The following COX7B2 variants were observed in gnomAD, a reference collection of about 807,000 sequenced individuals.
COX7B2 encodes cytochrome c oxidase subunit 7B2, mitochondrial.
For missense variants in COX7B2, 109 were observed against 95.9 expected (o/e 1.14, Z -0.57); for synonymous variants, 37 against 32.1 (o/e 1.15, Z -0.51).
At chr4:46,760,640 T>C (rs894138731) in intron 2 of COX7B2, among the ~76,000 whole-genome samples, 2 of 152,092 alleles carry the variant, frequency 1.3e-5, no homozygotes, top group African/African-American at 2.4e-5. Flanking sequence ...CAATCCACCA[T>C]GGCATGTGTA....
At chr4:46,888,467 G>A (rs185164601) in intron 1 of COX7B2, among the ~76,000 whole-genome samples, 47 of 150,438 alleles carry the variant, frequency 3.1e-4, no homozygotes, top group African/African-American at 9.8e-4. Flanking sequence ...TTTTTGAGAC[G>A]GAGTCTTGAT....
intron 1 of COX7B2, among the ~76,000 whole-genome samples, chr4:46,878,182 T>A (rs1033918181): frequency 2.0e-5 from 3 of 151,886 alleles, no homozygotes; most frequent in Admixed American, 1.3e-4. Context: ...TATGCGGAAG[T>A]TTTTTTAAAA....
At chr4:46,778,091 C>A (rs1030001860) in intron 2 of COX7B2, among the ~76,000 whole-genome samples, 1 of 152,048 alleles carries the variant, frequency 6.6e-6, no homozygotes, top group Non-Finnish European at 1.5e-5. Context: ...TCCTTACCTT[C>A]ACAAAGACAA....
intron 1 of COX7B2, among the ~76,000 whole-genome samples, chr4:46,875,529 G>T (rs1560431878): frequency 6.6e-6 from 1 of 152,000 alleles, no homozygotes; most frequent in Non-Finnish European, 1.5e-5. Flanking sequence ...ACATCCTCTA[G>T]ATTAAATTTC....
intron 1 of COX7B2, among the ~76,000 whole-genome samples, chr4:46,874,339 T>A (rs1718185094): frequency 6.6e-6 from 1 of 152,222 alleles, no homozygotes. Flanking sequence ...AAAGCTGAAG[T>A]GTTTTTAGTC....
At chr4:46,881,965 CTG>C (rs1718775711) in intron 1 of COX7B2, among the ~76,000 whole-genome samples, 2 of 152,134 alleles carry the variant, frequency 1.3e-5, no homozygotes, top group Non-Finnish European at 2.9e-5. Flanking sequence ...ACACTGACTT[CTG>C]TGTCCCAGAG....
intron 1 of COX7B2, among the ~76,000 whole-genome samples, chr4:46,908,374 A>T (rs1228733229): frequency 6.6e-6 from 1 of 152,142 alleles, no homozygotes; most frequent in African/African-American, 2.4e-5. Flanking sequence ...TTTAATAGGG[A>T]TGCCTCAACA....
intron 2 of COX7B2, among the ~76,000 whole-genome samples, chr4:46,803,532 G>T (rs1718780615): frequency 6.6e-6 from 1 of 151,972 alleles, no homozygotes; most frequent in African/African-American, 2.4e-5. Context: ...TTAAGGTAAT[G>T]TTCCTTTAAG....
chr4:46,861,754 T>C (rs762417874), intron 1 of COX7B2, among the ~76,000 whole-genome samples: 13 of 152,210 alleles, frequency 8.5e-5, no homozygotes, highest in Non-Finnish European at 1.3e-4. Flanking sequence ...CTGGCTCATG[T>C]TACTTCCAGG....
chr4:46,903,949 G>C (rs894803818), intron 1 of COX7B2: 3 of 152,158 alleles, frequency 2.0e-5, no homozygotes, highest in African/African-American at 7.2e-5. Context: ...CAGGGATTCA[G>C]ATATTATATC....
intron 1 of COX7B2, among the ~76,000 whole-genome samples, chr4:46,888,395 T>A (rs575100359): frequency 6.6e-6 from 1 of 152,264 alleles, no homozygotes; most frequent in Admixed American, 6.5e-5. Flanking sequence ...AAGTAATACA[T>A]ACAATTTAAG....
chr4:46,885,521 C>T (rs1719034135), intron 1 of COX7B2, among the ~76,000 whole-genome samples: 1 of 152,056 alleles, frequency 6.6e-6, no homozygotes, highest in Non-Finnish European at 1.5e-5. Context: ...AATGAATAAA[C>T]ATACCCCATT....
chr4:46,773,022 T>C (rs1029893641), intron 2 of COX7B2, among the ~76,000 whole-genome samples: 1 of 152,176 alleles, frequency 6.6e-6, no homozygotes, highest in Non-Finnish European at 1.5e-5. Flanking sequence ...GCTGAGGATT[T>C]TCATAAAATT....
At chr4:46,867,592 A>G (rs1717744024) in intron 1 of COX7B2, among the ~76,000 whole-genome samples, 1 of 152,254 alleles carries the variant, frequency 6.6e-6, no homozygotes, top group Non-Finnish European at 1.5e-5. Flanking sequence ...GCTAATGAAC[A>G]GCCCATACCC....
At chr4:46,783,466 A>G (rs1404730606) in intron 2 of COX7B2, among the ~76,000 whole-genome samples, 1 of 152,232 alleles carries the variant, frequency 6.6e-6, no homozygotes, top group Non-Finnish European at 1.5e-5. Context: ...GGTAAGTGAG[A>G]AATCCACATT....
chr4:46,775,564 C>A (rs1396205875), intron 2 of COX7B2, among the ~76,000 whole-genome samples: 2 of 151,950 alleles, frequency 1.3e-5, no homozygotes, highest in South Asian at 2.1e-4. Flanking sequence ...CAATGAATAT[C>A]CCCCTCCATT....
chr4:46,891,131 ATTTCTCACCTAAG>A (rs966994884), intron 1 of COX7B2, among the ~76,000 whole-genome samples: 16 of 152,290 alleles, frequency 1.1e-4, no homozygotes, highest in Admixed American at 1.0e-3. Context: ...TTATCCCAAA[ATTTCTCACCTAAG>A]TAACTAGACG....
chr4:46,762,506 A>G (rs1474584551), intron 2 of COX7B2, among the ~76,000 whole-genome samples: 1 of 142,188 alleles, frequency 7.0e-6, no homozygotes, highest in Non-Finnish European at 1.5e-5. Flanking sequence ...ATAGTATATT[A>G]TGATTAAGTA....
chr4:46,798,990 T>A (rs1219500501), intron 2 of COX7B2, among the ~76,000 whole-genome samples: 2 of 152,182 alleles, frequency 1.3e-5, no homozygotes, highest in African/African-American at 4.8e-5. Context: ...ACTCTTGATA[T>A]ATCTGGCTCC....
Sources: allele counts gnomAD v4.1 joint callset (sites outside exome capture counted in the v4.1 genomes callset), GRCh38; gene constraint gnomAD v4.1.1; transcripts MANE v1.5; gene names NCBI Gene and HGNC (gene_info 2026-07-23, HGNC 2026-07-21).